SSPN: variants seen among roughly 807,000 people sequenced by gnomAD.
SSPN encodes the protein K-ras oncogene-associated protein.
In SSPN, 15 loss-of-function variants were observed where a neutral mutation model predicts 19.1. The ratio of observed to expected loss-of-function variants is 0.78; its 90% CI spans 0.52 to 1.21. The LOEUF (loss-of-function observed/expected upper bound fraction) is 1.21, where lower values mean the gene tolerates loss of function less well. Ranked by LOEUF, SSPN falls within the 50% of genes most tolerant of loss-of-function variation. The probability of loss-of-function intolerance (pLI) is 0.00; values close to 1 mark genes in which losing one functional copy is unlikely to be tolerated. For missense variants in SSPN, 291 were observed against 314.0 expected (o/e 0.93, Z 0.55); for synonymous variants, 147 against 140.3 (o/e 1.05, Z -0.34).
chr12:26,123,158 A>C, intron 1 of SSPN: 3 of 1,593,964 alleles, frequency 1.9e-6, no homozygotes, highest in Non-Finnish European at 1.7e-6. Flanking sequence ...GCGATTTCAG[A>C]GATCGCTCCC....
At chr12:26,205,357 C>T (rs1053551843) in intron 1 of SSPN, among the ~76,000 whole-genome samples, 13 of 152,162 alleles carry the variant, frequency 8.5e-5, no homozygotes, top group Admixed American at 2.6e-4. Context: ...GACAGGAGAC[C>T]AGAAAAGGGG....
chr12:26,128,256 G>A (rs1415773727), intron 1 of SSPN, among the ~76,000 whole-genome samples: 3 of 152,156 alleles, frequency 2.0e-5, no homozygotes, highest in East Asian at 3.9e-4. Flanking sequence ...AATTGTGTGG[G>A]GAGTTTTGCA....
intron 1 of SSPN, among the ~76,000 whole-genome samples, chr12:26,202,592 A>G (rs1244446315): frequency 1.3e-5 from 2 of 152,218 alleles, no homozygotes; most frequent in South Asian, 2.1e-4. Flanking sequence ...AGGTTTCTCT[A>G]ATGTTTGGTC....
At chr12:26,208,755 G>T (rs1415026186) in intron 1 of SSPN, among the ~76,000 whole-genome samples, 1 of 151,900 alleles carries the variant, frequency 6.6e-6, no homozygotes, top group African/African-American at 2.4e-5. Context: ...TGATGTGAAG[G>T]GTCCATACAT....
At position 26,195,912 on chromosome 12, in the gene SSPN, C is replaced by G; in HGVS notation, c.240C>G (p.Ser80=). The G allele has an allele frequency of 6.4e-7, 1 of 1,574,278 alleles. No individual in the cohort carries two copies. Among genetic ancestry groups the G allele is most frequent in the Non-Finnish European group, 8.6e-7 (1 of 1,163,166 alleles). ...TCCTCATGGCGAGCATCAGCTCCTC[C>G]CTGCTAGTCAGGGACACTCCATTTT... ...VGFLMASISS[S]LLVRDTPFWA... Residue 80 remains serine, a synonymous_variant, in exon 1 of 3, where the codon TCC becomes TCG. Coordinates refer to ENST00000242729, the MANE Select transcript of SSPN (RefSeq NM_005086.5).
At chr12:26,191,307 C>T (rs1944786132), upstream of SSPN, among the ~76,000 whole-genome samples, 1 of 152,132 alleles carries the variant, frequency 6.6e-6, no homozygotes, top group African/African-American at 2.4e-5. Flanking sequence ...AAATTTATCA[C>T]CTCTATAGCC....
intron 1 of SSPN, among the ~76,000 whole-genome samples, chr12:26,165,054 A>C (rs558488324): frequency 1.3e-4 from 20 of 152,358 alleles, no homozygotes; most frequent in African/African-American, 4.6e-4. Flanking sequence ...TCATTTAAAA[A>C]TGCTTAGAGC....
intron 1 of SSPN, among the ~76,000 whole-genome samples, chr12:26,164,147 GCAGA>G (rs776497259): frequency 3.3e-5 from 5 of 152,202 alleles, no homozygotes; most frequent in Non-Finnish European, 5.9e-5. Flanking sequence ...CACCTGAACT[GCAGA>G]CAGAGTGACT....
intron 1 of SSPN, among the ~76,000 whole-genome samples, chr12:26,221,162 T>C (rs1219426710): frequency 6.6e-6 from 1 of 152,340 alleles, no homozygotes; most frequent in African/African-American, 2.4e-5. Flanking sequence ...AATCCTCAAA[T>C]GTTTACTCTG....
chr12:26,223,396 A>G (rs1945143402), intron 1 of SSPN, among the ~76,000 whole-genome samples: 1 of 152,180 alleles, frequency 6.6e-6, no homozygotes, highest in Non-Finnish European at 1.5e-5. Context: ...TTTTCAGTAA[A>G]GACGGGTTTC....
chr12:26,179,663 C>G (rs1379032374), intron 1 of SSPN, among the ~76,000 whole-genome samples: 1 of 152,144 alleles, frequency 6.6e-6, no homozygotes, highest in Admixed American at 6.5e-5. Context: ...TACTGTCCCA[C>G]CTTAGTTCCA....
chr12:26,213,223 T>C (rs1945010459), intron 1 of SSPN, among the ~76,000 whole-genome samples: 1 of 152,066 alleles, frequency 6.6e-6, no homozygotes, highest in Non-Finnish European at 1.5e-5. Context: ...GTTCCTAAGA[T>C]TGGCATTTCC....
At chr12:26,181,727 A>G (rs1591865248) in intron 1 of SSPN, among the ~76,000 whole-genome samples, 2 of 152,352 alleles carry the variant, frequency 1.3e-5, no homozygotes, top group Middle Eastern at 6.8e-3. Flanking sequence ...ACTGACAGAA[A>G]CCAGTAAACT....
chr12:26,177,535 C>A (rs543569340), intron 1 of SSPN, among the ~76,000 whole-genome samples: 8 of 152,194 alleles, frequency 5.3e-5, no homozygotes, highest in Non-Finnish European at 1.2e-4. Context: ...TCTGCCCCAC[C>A]CGTAGCTTCC....
At chr12:26,227,418 C>A (rs78223337) in intron 2 of SSPN, among the ~76,000 whole-genome samples, 6 of 152,152 alleles carry the variant, frequency 3.9e-5, no homozygotes, top group African/African-American at 1.4e-4. Flanking sequence ...TATTCATACT[C>A]AGAGAAGCTA....
intron 1 of SSPN, among the ~76,000 whole-genome samples, chr12:26,145,205 T>G (rs756770738): frequency 6.6e-6 from 1 of 152,234 alleles, no homozygotes; most frequent in Non-Finnish European, 1.5e-5. Flanking sequence ...AGCCAGTTCC[T>G]TCCTCAAGAC....
intron 1 of SSPN, among the ~76,000 whole-genome samples, chr12:26,147,214 A>G (rs1383354961): frequency 1.3e-5 from 2 of 152,148 alleles, no homozygotes; most frequent in South Asian, 2.1e-4. Flanking sequence ...TATATAATAA[A>G]GCAATATGCA....
chr12:26,144,330 G>A (rs1944477409), intron 1 of SSPN, among the ~76,000 whole-genome samples: 1 of 152,182 alleles, frequency 6.6e-6, no homozygotes, highest in South Asian at 2.1e-4. Flanking sequence ...TGGCCACCAG[G>A]CTGTAAGGCA....
chr12:26,198,537 A>G (rs1402683755), intron 1 of SSPN, among the ~76,000 whole-genome samples: 1 of 152,322 alleles, frequency 6.6e-6, no homozygotes, highest in East Asian at 1.9e-4. Context: ...AGTTAGCTTT[A>G]CTTATTAGCT....
Sources: allele counts gnomAD v4.1 joint callset (sites outside exome capture counted in the v4.1 genomes callset), GRCh38; gene constraint gnomAD v4.1.1; transcripts MANE v1.5; gene names NCBI Gene and HGNC (gene_info 2026-07-23, HGNC 2026-07-21).